Variants in ZNF473 observed in about 807,000 individuals in gnomAD.
ZNF473 encodes zinc finger protein 473, also known as zinc finger protein 100 homolog.
A neutral mutation model predicts 11.1 loss-of-function variants in ZNF473; 4 were observed. The observed-to-expected ratio is 0.36, with a 90% CI of 0.18 to 0.82. ZNF473 has a LOEUF of 0.82. Among genes scored for constraint, ZNF473 ranks in the 40% least tolerant of loss-of-function variants. The probability of loss-of-function intolerance (pLI) is 0.49; values close to 1 mark genes in which losing one functional copy is unlikely to be tolerated. For missense variants in ZNF473, 854 were observed against 1,084.0 expected, an observed-to-expected ratio of 0.79 and a Z score of 2.98; for synonymous variants, 404 against 390.4, an observed-to-expected ratio of 1.03 and a Z score of -0.41.
rs536342405 is a variant in ZNF473 at position 50,027,517 on chromosome 19, C to T, written c.-192+1395C>T. ...ACCTTGGGCTCCACCTCTGGGCCCT[C>T]GTTTCTTTCCTCCCAGAGCTGAGAG... On this transcript the variant is annotated intron_variant, in intron 1 of 4. Transcript: ENST00000270617. Among the ~76,000 whole-genome samples, 171 of 152,178 alleles carry T rather than the reference C, an allele frequency of 1.1e-3. 1 individual carries two copies. The highest frequency in any genetic ancestry group is 3.8e-3 in the African/African-American group (159 of 41,522).
intron 2 of ZNF473, among the ~76,000 whole-genome samples, chr19:50,034,336 C>T (rs2077333854): frequency 1.3e-5 from 2 of 152,204 alleles, no homozygotes; most frequent in Non-Finnish European, 2.9e-5. Flanking sequence ...TGCTTCTGCC[C>T]TTCTCACCTT....
At chr19:50,028,297 CAA>C (rs770803175) in intron 1 of ZNF473, among the ~76,000 whole-genome samples, 12 of 72,932 alleles carry the variant, frequency 1.6e-4, no homozygotes, top group Admixed American at 4.1e-4. Context: ...GACTCCGTCT[CAA>C]AAAAAAAAAA....
chr19:50,046,663 C>A lies in ZNF473; in HGVS notation c.2220C>A (p.Gly740=). 6.2e-7 allele frequency: 1 copy of A among 1,614,208 alleles called. No individual in the cohort carries two copies. Among genetic ancestry groups the A allele is most frequent in the Non-Finnish European group, 8.5e-7 (1 of 1,180,034 alleles). Residue 740 remains glycine (G), a synonymous_variant, in exon 5 of 5, where the codon GGC becomes GGA. Transcript: ENST00000270617. The surrounding 1 kb of genome is among the most constrained non-coding windows in gnomAD (Gnocchi z 5.9). The part of the protein sequence containing the change: ...YVCDYCGKAF[G]LSAELVRHQR... The stretch of plus-strand genomic sequence containing the variant: ...GTGATTACTGCGGGAAGGCCTTCGG[C>A]CTGAGTGCTGAGCTTGTCCGCCACC...
At chr19:50,027,951 A>C (rs1426555767) in intron 1 of ZNF473, among the ~76,000 whole-genome samples, 1 of 152,090 alleles carries the variant, frequency 6.6e-6, no homozygotes, top group East Asian at 1.9e-4. Context: ...GGCCTCCCAA[A>C]GTGCTGGGAT....
Position 50,027,178 on chromosome 19 carries a change from C to T in ZNF473, c.-192+1056C>T, listed in dbSNP as rs3760717. Among the ~76,000 whole-genome samples, 1,674 of 152,240 alleles carry T rather than the reference C, an allele frequency of 0.011. 77 individuals carry two copies. In the East Asian group the frequency reaches 0.11, roughly 10 times the overall value. ...TATAATTAGGCAGCACCCCCCCACACCCCGAGGAATCTGGGCCAGTTTTTG... is the reference window on the plus strand; with the variant it reads ...TATAATTAGGCAGCACCCCCCCACATCCCGAGGAATCTGGGCCAGTTTTTG... On this transcript the variant is annotated intron_variant, in intron 1 of 4. Coordinates refer to ENST00000270617, the MANE Select transcript of ZNF473 (RefSeq NM_015428.4).
rs1472590335 is a variant in ZNF473 at position 50,048,196 on chromosome 19, A to G, written c.*1137A>G. 3.3e-5 allele frequency: 5 copies of G among 152,220 alleles called. No individual in the cohort carries two copies. The highest frequency in any genetic ancestry group is 1.2e-4 in the African/African-American group (5 of 41,462). 9.4% of individuals were successfully genotyped at this position (152,220 alleles called of 1,614,324 possible). On this transcript the variant is annotated 3_prime_UTR_variant, in exon 5 of 5. Coordinates refer to ENST00000270617, the MANE Select transcript of ZNF473 (RefSeq NM_015428.4). ...GTCACAGGAAGTTCTGGGATCACCA[A>G]GGATTGTTGGAGAGTCCAGTGAGAT... is the stretch of plus-strand genomic sequence containing the variant.
At chr19:50,033,793 C>T (rs1358816300) in intron 2 of ZNF473, among the ~76,000 whole-genome samples, 7 of 152,152 alleles carry the variant, frequency 4.6e-5, no homozygotes, top group Non-Finnish European at 1.0e-4. Flanking sequence ...GGCCGCATCA[C>T]TCTAATCTCT....
chr19:50,046,321 A>G lies in ZNF473; in HGVS notation c.1878A>G (p.Lys626=), dbSNP rs770662631. The change falls in exon 5 of 5, where the codon AAA becomes AAG. Residue 626 remains lysine (K), a synonymous_variant. Coordinates refer to ENST00000270617, the MANE Select transcript of ZNF473 (RefSeq NM_015428.4). This position sits in a 1 kb window ranked among gnomAD's most constrained non-coding sequence, Gnocchi z 5.9. ...TGTATAAATGGGGTGAGCAAGGGAA[A>G]GCCATCAGCAGTGCCTCCCTTATCA... ...VRLYKWGEQG[K]AISSASLIKL... 12 of 1,614,076 alleles carry G rather than the reference A, an allele frequency of 7.4e-6. No individual in the cohort carries two copies. The highest frequency in any genetic ancestry group is 1.6e-4 in the Middle Eastern group (1 of 6,084).
chr19:50,033,913 CA>C (rs1385196751), intron 2 of ZNF473, among the ~76,000 whole-genome samples: 1 of 152,212 alleles, frequency 6.6e-6, no homozygotes, highest in Admixed American at 6.5e-5. Context: ...ATAATCTCCC[CA>C]TTTCCAGATT....
chr19:50,037,658 C>CAAAA (rs67239809), intron 2 of ZNF473, among the ~76,000 whole-genome samples: 5 of 138,576 alleles, frequency 3.6e-5, no homozygotes, highest in African/African-American at 1.3e-4. Context: ...CCTACTCTAC[C>CAAAA]AAAAAAAAAA....
intron 2 of ZNF473, among the ~76,000 whole-genome samples, chr19:50,031,721 G>A (rs879471831): frequency 3.0e-4 from 46 of 152,144 alleles, no homozygotes; most frequent in Non-Finnish European, 5.9e-4. Context: ...AGGAACTGAT[G>A]GGGATTCATC....
chr19:50,040,931 C>T (rs1297638184), intron 3 of ZNF473, among the ~76,000 whole-genome samples: 2 of 152,232 alleles, frequency 1.3e-5, no homozygotes, highest in African/African-American at 4.8e-5. Context: ...AGTGTGTTTA[C>T]CTCGACTGCC....
In ZNF473 at chr19:50,026,049, G is replaced by C. The variant is rs939339629; in HGVS notation, c.-265G>C. The C allele has an allele frequency of 5.2e-5, 8 of 152,674 alleles. No homozygotes were observed. The highest frequency in any genetic ancestry group is 1.9e-4 in the African/African-American group (8 of 41,456). 9.5% of individuals were successfully genotyped at this position (152,674 alleles called of 1,614,324 possible). A position where few individuals can be genotyped will look rare whatever the true frequency, so the allele number is the denominator to read the frequency against. On this transcript the variant is annotated 5_prime_UTR_variant, in exon 1 of 5. Coordinates refer to ENST00000270617, the MANE Select transcript of ZNF473 (RefSeq NM_015428.4). ...AGGAAGTCGCTGCGAGGAGGCGCGT[G>C]TGCGGGGAGTTGAATCTCCCGCTCC... is the stretch of plus-strand genomic sequence containing the variant.
At chr19:50,038,931 G>A (rs1419307244) in intron 2 of ZNF473, among the ~76,000 whole-genome samples, 1 of 152,218 alleles carries the variant, frequency 6.6e-6, no homozygotes, top group African/African-American at 2.4e-5. Context: ...AGTCCCACCT[G>A]TGTTAACTTC....
chr19:50,041,975 G>T, intron 4 of ZNF473, 156 bp downstream of exon 4: 1 of 563,704 alleles, frequency 1.8e-6, no homozygotes, highest in South Asian at 2.3e-5. Context: ...CCTTGTCCTG[G>T]GAGCTGGGGG....
At chr19:50,036,421 C>G (rs541738261) in intron 2 of ZNF473, among the ~76,000 whole-genome samples, 2 of 145,980 alleles carry the variant, frequency 1.4e-5, no homozygotes, top group East Asian at 4.3e-4. Context: ...TCATGCCATT[C>G]TCCTGCCTCA....
In ZNF473 at chr19:50,044,971, G is replaced by T; in HGVS notation, c.528G>T (p.Lys176Asn). The stretch of plus-strand genomic sequence containing the variant: ...CCATGGTGCATAATGTTTCTGAAAA[G>T]ACCCTCACACCAGCTAAGTCTAAGG... ...EDSMVHNVSE[K>N]TLTPAKSKEY... is the part of the protein sequence containing the mutation. The change falls in exon 5 of 5, where the codon AAG (lysine) becomes AAT (asparagine). Residue 176 changes from lysine (K) to asparagine (N), a missense_variant. Physicochemically the swap from Lys to Asn is moderately conservative, Grantham distance 94. Transcript: ENST00000270617. The T allele has an allele frequency of 6.2e-7, 1 of 1,614,210 alleles. No homozygotes were observed. The highest frequency in any genetic ancestry group is 8.5e-7 in the Non-Finnish European group (1 of 1,180,034).
intron 1 of ZNF473, among the ~76,000 whole-genome samples, chr19:50,027,364 G>C (rs1389341849): frequency 6.6e-6 from 1 of 152,144 alleles, no homozygotes; most frequent in African/African-American, 2.4e-5. Flanking sequence ...TGTTGTATTT[G>C]TTCCATTTGG....
At chr19:50,040,924 G>A (rs1447268393) in intron 3 of ZNF473, among the ~76,000 whole-genome samples, 1 of 152,172 alleles carries the variant, frequency 6.6e-6, no homozygotes, top group East Asian at 1.9e-4. Context: ...AGTAAGAAGT[G>A]TGTTTACCTC....
Sources: gnomAD v4.1 joint callset for allele counts (sites outside exome capture counted in the v4.1 genomes callset) on GRCh38, gnomAD v4.1.1 for gene constraint, Gnocchi (gnomAD v3.1) non-coding constraint, MANE v1.5 for transcripts, NCBI Gene and HGNC (gene_info 2026-07-23, HGNC 2026-07-21) for gene names.